FCGRT: variants seen among roughly 807,000 people sequenced by gnomAD.
FCGRT encodes the protein Fc gamma receptor and transporter, also known as IgG receptor FcRn large subunit p51.
Under a neutral mutation model 35.7 loss-of-function variants are expected in FCGRT, and 13 were observed. The observed-to-expected ratio is 0.36, with a 90% confidence interval of 0.24 to 0.58. FCGRT has a LOEUF of 0.58. Among genes scored for constraint, FCGRT ranks in the 20% least tolerant of loss-of-function variants. The pLI is 0.77. For synonymous variants in FCGRT, 233 were observed against 216.5 expected (o/e 1.08, Z -0.67); for missense variants, 455 against 474.9 (o/e 0.96, Z 0.39).
chr19:49,518,761 C>T (rs992362427), intron 4 of FCGRT, among the ~76,000 whole-genome samples: 9 of 151,730 alleles, frequency 5.9e-5, no homozygotes, highest in African/African-American at 2.2e-4. Flanking sequence ...TTTCGAACTC[C>T]CGACCCCAGG....
intron 4 of FCGRT, 34 bp downstream of exon 4, chr19:49,514,520 C>CCT: frequency 6.6e-7 from 1 of 1,514,860 alleles, no homozygotes; most frequent in South Asian, 1.3e-5. Context: ...GCTGTTCTGT[C>CCT]CTCTCTCCCG....
chr19:49,513,114 GGGA>G, intron 1 of FCGRT: 1 of 262,108 alleles, frequency 3.8e-6, no homozygotes, highest in East Asian at 6.6e-5. Flanking sequence ...CGGGGTCTGA[GGGA>G]GGAGGGGCTG....
chr19:49,513,280 C>T lies in FCGRT; in HGVS notation c.-14-107C>T, dbSNP rs543281857. 7.8e-5 allele frequency: 34 copies of T among 438,624 alleles called. No homozygotes were observed. The South Asian group carries it at 4.1e-3, about 52-fold the overall frequency. The allele number at this position is 438,624 out of a possible 1,614,324, so 27.2% of individuals were successfully genotyped here. ...GCATTGTTGTCAGTCTGGACCGAGCCCGCAGAGCCCCTCCTCGGCGTCCTG... is the reference window on the plus strand; with the variant it reads ...GCATTGTTGTCAGTCTGGACCGAGCTCGCAGAGCCCCTCCTCGGCGTCCTG... On this transcript the variant is annotated intron_variant, in intron 1 of 6. Coordinates refer to ENST00000221466, the MANE Select transcript of FCGRT (RefSeq NM_001136019.3).
At chr19:49,520,916 TC>T (rs2080037130) in intron 4 of FCGRT, 1 of 152,252 alleles carries the variant, frequency 6.6e-6, no homozygotes, top group Non-Finnish European at 1.5e-5. Flanking sequence ...TGCTGTGCTT[TC>T]CTGAAGCAGC....
intron 4 of FCGRT, chr19:49,516,250 T>A: frequency 2.4e-6 from 1 of 424,322 alleles, no homozygotes; most frequent in South Asian, 1.7e-5. Context: ...GAAAATTTCT[T>A]TCTTTTTTTG....
intron 4 of FCGRT, among the ~76,000 whole-genome samples, chr19:49,517,362 G>C (rs2080013582): frequency 6.6e-6 from 1 of 151,978 alleles, no homozygotes; most frequent in Non-Finnish European, 1.5e-5. Context: ...GCGGTGGTGG[G>C]TGCTTGTAAT....
chr19:49,526,182 C>T lies in FCGRT; in HGVS notation c.*63C>T. On this transcript the variant is annotated 3_prime_UTR_variant, in exon 7 of 7. Transcript: ENST00000221466. ...AGGCCCCTTTCATGCTGTGAGACCTCCTGGAACACTGGCATCTCTGAGCCT... is the reference window on the plus strand; with the variant it reads ...AGGCCCCTTTCATGCTGTGAGACCTTCTGGAACACTGGCATCTCTGAGCCT... 1 of 1,069,216 alleles carries T rather than the reference C, an allele frequency of 9.4e-7. No homozygotes were observed. 66.2% of individuals were successfully genotyped at this position (1,069,216 alleles called of 1,614,324 possible). A position where few individuals can be genotyped will look rare whatever the true frequency, so the allele number is the denominator to read the frequency against.
At chr19:49,513,746 C>T (rs2079988711) in intron 2 of FCGRT, 136 bp from the exon 3 acceptor site, 2 of 298,020 alleles carry the variant, frequency 6.7e-6, no homozygotes, top group Non-Finnish European at 1.1e-5. Context: ...GTCCCCCCCC[C>T]CCCGGGTTTC....
In FCGRT at chr19:49,525,551, A is replaced by AAGGATGAGGAGT; in HGVS notation, c.967_978dup (p.Arg323_Ser326dup). 1 of 1,612,644 alleles carries AAGGATGAGGAGT rather than the reference A, an allele frequency of 6.2e-7. No individual in the cohort carries two copies. Among genetic ancestry groups the AAGGATGAGGAGT allele is most frequent in the Non-Finnish European group, 8.5e-7 (1 of 1,179,562 alleles). On this transcript the variant is annotated inframe_insertion, in exon 6 of 7. Coordinates refer to ENST00000221466, the MANE Select transcript of FCGRT (RefSeq NM_001136019.3). ...CTGTAGGAGGAGCTCTGTTGTGGAGAAGGATGAGGAGTGGGCTGCCAGGTG... is the reference window on the plus strand; with the variant it reads ...CTGTAGGAGGAGCTCTGTTGTGGAGAAGGATGAGGAGTAGGATGAGGAGTGGGCTGCCAGGTG...
intron 4 of FCGRT, among the ~76,000 whole-genome samples, chr19:49,520,211 C>T (rs139285827): frequency 0.014 from 2,045 of 149,054 alleles, 44 homozygotes; most frequent in African/African-American, 0.047. Flanking sequence ...CTCACTGCAA[C>T]CTCCACCTCC....
intron 4 of FCGRT, among the ~76,000 whole-genome samples, chr19:49,517,205 T>C (rs1430037869): frequency 6.7e-6 from 1 of 149,864 alleles, no homozygotes; most frequent in Non-Finnish European, 1.5e-5. Context: ...AAAAAAAATA[T>C]GGTGGCCAGG....
intron 4 of FCGRT, among the ~76,000 whole-genome samples, chr19:49,522,809 GCT>G (rs1170558998): frequency 1.7e-5 from 2 of 118,210 alleles, no homozygotes; most frequent in African/African-American, 6.8e-5. Context: ...ATGGAGTCTC[GCT>G]CTGTCACCCA....
chr19:49,526,335 C>G lies in FCGRT; in HGVS notation c.*216C>G. 1 of 557,392 alleles carries G rather than the reference C, an allele frequency of 1.8e-6. No homozygotes were observed. The highest frequency in any genetic ancestry group is 3.2e-6 in the Non-Finnish European group (1 of 312,598). The allele number at this position is 557,392 out of a possible 1,614,324, so 34.5% of individuals were successfully genotyped here. ...ATATAACACGAGTTTGGGCCCGAAT[C>G]AGTGTGTTCTCATCATTTTTCAGGC... is the stretch of plus-strand genomic sequence containing the variant. On this transcript the variant is annotated 3_prime_UTR_variant, in exon 7 of 7. Transcript: ENST00000221466.
rs139316391 is a variant in FCGRT, at chr19:49,513,714, G to GTCTCTCTCTCTCTC, written c.74-155_74-154insCTCTCTCTCTCTCT. 220 of 532,214 alleles carry GTCTCTCTCTCTCTC rather than the reference G, an allele frequency of 4.1e-4. 9 individuals carry two copies. The African/African-American group carries it at 5.0e-3, about 12-fold the overall frequency. The allele number at this position is 532,214 out of a possible 1,614,324, so 33.0% of individuals were successfully genotyped here. ...GTCCCCCTCTCTTTCTGGGTCTCTTGTCTCTCTCTCTCTGGGTCTCTGTCC... is the reference window on the plus strand; with the variant it reads ...GTCCCCCTCTCTTTCTGGGTCTCTTGTCTCTCTCTCTCTCTCTCTCTCTCTCTGGGTCTCTGTCC... On this transcript the variant is annotated intron_variant, in intron 2 of 6. Coordinates refer to ENST00000221466, the MANE Select transcript of FCGRT (RefSeq NM_001136019.3).
intron 4 of FCGRT, among the ~76,000 whole-genome samples, chr19:49,520,083 G>A (rs528184597): frequency 5.8e-4 from 86 of 149,204 alleles, no homozygotes; most frequent in Non-Finnish European, 9.6e-4. Context: ...CACTTGCCTC[G>A]GCCTCCCAAA....
At chr19:49,516,053 C>T (rs543448497) in intron 4 of FCGRT, 39 of 383,648 alleles carry the variant, frequency 1.0e-4, no homozygotes, top group Non-Finnish European at 1.8e-4. Flanking sequence ...CACTGCCAGG[C>T]GCTGCTCTGG....
intron 4 of FCGRT, among the ~76,000 whole-genome samples, chr19:49,519,117 C>T (rs571796202): frequency 1.3e-5 from 2 of 152,280 alleles, no homozygotes; most frequent in South Asian, 2.1e-4. Context: ...ACTGGGATTA[C>T]AGGCTTGAGC....
At chr19:49,522,546 C>T (rs2080047491) in intron 4 of FCGRT, among the ~76,000 whole-genome samples, 1 of 151,680 alleles carries the variant, frequency 6.6e-6, no homozygotes. Flanking sequence ...ATTCTCCTGC[C>T]TTAGCCTCCT....
chr19:49,524,873 G>T, intron 5 of FCGRT, 97 bp downstream of exon 5: 1 of 1,191,838 alleles, frequency 8.4e-7, no homozygotes, highest in Non-Finnish European at 1.2e-6. Flanking sequence ...CCCCACTGCT[G>T]CCACCTCCTT....
Sources: gnomAD v4.1 joint callset for allele counts (sites outside exome capture counted in the v4.1 genomes callset) on GRCh38, gnomAD v4.1.1 for gene constraint, MANE v1.5 for transcripts, NCBI Gene and HGNC (gene_info 2026-07-23, HGNC 2026-07-21) for gene names.